The following BMS1 variants were observed in gnomAD, a reference collection of about 807,000 sequenced individuals.
The protein encoded by BMS1 is BMS1 ribosome biogenesis factor.
In BMS1, 53 loss-of-function variants were observed where a neutral mutation model predicts 138.7. The ratio of observed to expected loss-of-function variants is 0.38; its 90% CI spans 0.31 to 0.48. The LOEUF (loss-of-function observed/expected upper bound fraction) is 0.48. Ranked by LOEUF, BMS1 falls within the 20% of genes least tolerant of loss-of-function variation. The probability of loss-of-function intolerance (pLI) is 0.97; values close to 1 mark genes in which losing one functional copy is unlikely to be tolerated. For synonymous variants in BMS1, 504 were observed against 539.9 expected (o/e 0.93, Z 0.92); for missense variants, 1,360 against 1,565.5 (o/e 0.87, Z 2.22).
At position 42,817,434 on chromosome 10, in the gene BMS1, T is replaced by A; in HGVS notation, c.2520T>A (p.Tyr840Ter). 1 of 1,608,076 alleles carries A rather than the reference T, an allele frequency of 6.2e-7. No homozygotes were observed. Among genetic ancestry groups the A allele is most frequent in the Non-Finnish European group, 8.5e-7 (1 of 1,179,058 alleles). The change falls in exon 15 of 23, where the codon TAT (tyrosine) becomes TAA (stop). Residue 840 changes from tyrosine to a stop codon, truncating the protein, a stop_gained. Transcript: ENST00000374518. LOFTEE classifies it high-confidence loss of function. Reference protein sequence around the residue: ...RKLKEMFDAEYDEGESTYFDD... With the variant: ...RKLKEMFDAE ...TGAAGGAGATGTTTGATGCAGAATA[T>A]GATGAAGGAGAAAGCACATATTTTG...
At chr10:42,820,835 G>A (rs1842485117) in intron 17 of BMS1, 99 bp from the exon 18 acceptor site, 1 of 1,226,010 alleles carries the variant, frequency 8.2e-7, no homozygotes, top group African/African-American at 1.5e-5. Context: ...GAGTATATAT[G>A]TAAATCTATA....
At chr10:42,791,390 A>C (rs1286424149) in intron 5 of BMS1, among the ~76,000 whole-genome samples, 1 of 151,300 alleles carries the variant, frequency 6.6e-6, no homozygotes, top group Non-Finnish European at 1.5e-5. Context: ...CAGACGCCTC[A>C]CCTCCCTCTC....
chr10:42,792,501 A>T lies in BMS1; in HGVS notation c.788A>T (p.Asp263Val). The change falls in exon 7 of 23, where the codon GAT becomes GTT. Residue 263 changes from aspartate (D) to valine (V), a missense_variant. By Grantham distance (152) the Asp-to-Val change is radical. Transcript: ENST00000374518. ...TGAATTTATTTTTCTAGGATGGAAG[A>T]TTTGACAAACCCAGAGGATATCCGA... The part of the protein sequence containing the change: ...HPYILADRME[D>V]LTNPEDIRTN... 6.2e-7 allele frequency: 1 copy of T among 1,611,132 alleles called. No individual in the cohort carries two copies. Among genetic ancestry groups the T allele is most frequent in the South Asian group, 1.1e-5 (1 of 90,802 alleles).
chr10:42,787,308 T>C (rs2132294722), intron 4 of BMS1, 61 bp downstream of exon 4: 2 of 930,756 alleles, frequency 2.1e-6, no homozygotes. Context: ...GATAGGTTAT[T>C]TACCCCGTGA....
At chr10:42,788,617 T>C (rs892348320) in intron 4 of BMS1, among the ~76,000 whole-genome samples, 29 of 152,306 alleles carry the variant, frequency 1.9e-4, no homozygotes, top group African/African-American at 7.0e-4. Context: ...TGTTAACCTT[T>C]CCCTCTTTGT....
chr10:42,799,813 A>G (rs565740108), intron 12 of BMS1, among the ~76,000 whole-genome samples: 1 of 152,320 alleles, frequency 6.6e-6, no homozygotes, highest in Non-Finnish European at 1.5e-5. Flanking sequence ...CCATGCTTCC[A>G]TAAGCATCAT....
chr10:42,794,460 AC>A (rs1470816365), intron 9 of BMS1, among the ~76,000 whole-genome samples: 1 of 151,496 alleles, frequency 6.6e-6, no homozygotes, highest in African/African-American at 2.4e-5. Context: ...GGATTTGTAT[AC>A]CTTTATATGC....
intron 19 of BMS1, among the ~76,000 whole-genome samples, chr10:42,822,557 A>G (rs1842530869): frequency 6.6e-6 from 1 of 152,212 alleles, no homozygotes; most frequent in African/African-American, 2.4e-5. Context: ...AGAAAAATCG[A>G]CAAAGCATTT....
At chr10:42,812,457 G>A (rs976409910) in intron 13 of BMS1, among the ~76,000 whole-genome samples, 3 of 152,216 alleles carry the variant, frequency 2.0e-5, no homozygotes, top group African/African-American at 7.2e-5. Context: ...AGTTTTAACA[G>A]TTGCTGAGAG....
chr10:42,825,498 A>T (rs1254899450), intron 21 of BMS1, among the ~76,000 whole-genome samples: 1 of 150,708 alleles, frequency 6.6e-6, no homozygotes, highest in Non-Finnish European at 1.5e-5. Flanking sequence ...TTTCAAGTGT[A>T]CACATCTCTC....
intron 6 of BMS1, among the ~76,000 whole-genome samples, chr10:42,791,975 G>A (rs574530184): frequency 4.6e-4 from 70 of 152,288 alleles, no homozygotes; most frequent in African/African-American, 1.6e-3. Context: ...AAGGAAAATG[G>A]GAGAACTTGG....
rs769319451 is a variant in BMS1, at chr10:42,793,804, AG to A, written c.1090-46del. On this transcript the variant is annotated intron_variant, in intron 8 of 22. Coordinates refer to ENST00000374518, the MANE Select transcript of BMS1 (RefSeq NM_014753.4). ...AACTGAGTGAAGCTCGTGTCTCTCC[AG>A]GATCTTTGTGCTTTCCTCACGTGCC... The A allele has an allele frequency of 1.2e-5, 19 of 1,575,040 alleles. 1 individual carries two copies. In the East Asian group the frequency reaches 3.4e-4, roughly 28 times the overall value.
chr10:42,794,916 T>C lies in BMS1; in HGVS notation c.1229+925T>C, dbSNP rs540796168. ...CTCCCAATGCTATCCCTCCCCGCTC[T>C]GCCCACCCCACAACAGTCCCCAGAG... On this transcript the variant is annotated intron_variant, in intron 9 of 22. Coordinates refer to ENST00000374518, the MANE Select transcript of BMS1 (RefSeq NM_014753.4). 1.2e-4 allele frequency among the ~76,000 whole-genome samples: 18 copies of C among 152,144 alleles called. No individual in the cohort carries two copies. In the South Asian group the frequency reaches 3.3e-3, roughly 28 times the overall value.
chr10:42,817,296 T>C, intron 14 of BMS1, 22 bp from the exon 15 acceptor site: 1 of 1,531,344 alleles, frequency 6.5e-7, no homozygotes, highest in Non-Finnish European at 8.8e-7. Flanking sequence ...ATACACAAAA[T>C]TTTTTCTTCT....
At chr10:42,826,708 G>T (rs551835087) in intron 21 of BMS1, among the ~76,000 whole-genome samples, 78 of 152,340 alleles carry the variant, frequency 5.1e-4, no homozygotes, top group African/African-American at 1.6e-3. Flanking sequence ...GGACGTGGGG[G>T]TGCCATGTTG....
chr10:42,831,214 C>G lies in BMS1; in HGVS notation c.*118C>G. 2.8e-6 allele frequency: 3 copies of G among 1,075,360 alleles called. No individual in the cohort carries two copies. Among genetic ancestry groups the G allele is most frequent in the Non-Finnish European group, 4.0e-6 (3 of 756,334 alleles). 66.6% of individuals were successfully genotyped at this position (1,075,360 alleles called of 1,614,324 possible). On this transcript the variant is annotated 3_prime_UTR_variant, in exon 23 of 23. Coordinates refer to ENST00000374518, the MANE Select transcript of BMS1 (RefSeq NM_014753.4). ...AAAGAGCTCAAGAGATGTCTCTACT[C>G]AAACTGTGCCTGCAGGAGGAGGAAC...
At chr10:42,803,974 T>A (rs1183118992) in intron 13 of BMS1, among the ~76,000 whole-genome samples, 1 of 152,246 alleles carries the variant, frequency 6.6e-6, no homozygotes, top group Non-Finnish European at 1.5e-5. Flanking sequence ...CTTTAGAATT[T>A]AATTGAAATG....
At chr10:42,803,666 A>T (rs1841937185) in intron 13 of BMS1, among the ~76,000 whole-genome samples, 1 of 151,690 alleles carries the variant, frequency 6.6e-6, no homozygotes, top group African/African-American at 2.4e-5. Context: ...TCACCTTCTC[A>T]CTTGCTTATT....
rs1842252867 is a variant in BMS1, at chr10:42,813,612, T to C, written c.2330-2987T>C. Among the ~76,000 whole-genome samples the C allele has an allele frequency of 2.0e-5, 3 of 152,218 alleles. No homozygotes were observed. The South Asian group carries it at 6.2e-4, about 32-fold the overall frequency. On this transcript the variant is annotated intron_variant, in intron 13 of 22. Coordinates refer to ENST00000374518, the MANE Select transcript of BMS1 (RefSeq NM_014753.4). ...AGTTGTCAAGTGTGATTTTAAGAAC[T>C]GCGGATTGTCTCGTGTATGTATCCA...
Sources: gnomAD v4.1 joint callset for allele counts (sites outside exome capture counted in the v4.1 genomes callset) on GRCh38, gnomAD v4.1.1 for gene constraint, MANE v1.5 for transcripts, NCBI Gene and HGNC (gene_info 2026-07-23, HGNC 2026-07-21) for gene names.